Variants in SYTL5 observed in about 807,000 individuals in gnomAD.
SYTL5 encodes the protein synaptotagmin like 5.
A neutral mutation model predicts 55.9 loss-of-function variants in SYTL5; 34 were observed. The observed-to-expected ratio is 0.61, with a 90% CI of 0.46 to 0.81. The LOEUF is 0.81. Among genes scored for constraint, SYTL5 ranks in the 30% least tolerant of loss-of-function variants. SYTL5 has a pLI of 0.00. For synonymous variants in SYTL5, 221 were observed against 188.7 expected, an observed-to-expected ratio of 1.17 and a Z score of -1.40; for missense variants, 637 against 546.7, an observed-to-expected ratio of 1.17 and a Z score of -1.65.
the SYTL5 span, among the ~76,000 whole-genome samples, chrX:37,907,997 G>A: frequency 9.1e-6 from 1 of 110,207 alleles, no homozygotes; most frequent in Non-Finnish European, 1.9e-5. Flanking sequence ...TGTGCCTGTG[G>A]TCCCAGCTAC....
intron 6 of SYTL5, among the ~76,000 whole-genome samples, chrX:38,083,773 C>CGTGTGTGTGTGTGT (rs1569180907): frequency 2.7e-4 from 11 of 40,201 alleles, no homozygotes; most frequent in Admixed American, 2.3e-3. Flanking sequence ...TAAATAGACT[C>CGTGTGTGTGTGTGT]ATGTGTGTGT....
rs540951571 is a variant in SYTL5, at chrX:38,083,896, G to C, written c.690-5550G>C. On this transcript the variant is annotated intron_variant, in intron 6 of 16. Transcript: ENST00000297875. ...CTGCCTCCCAACTTCCATAGTCCTTGTTATACTGTTGGGTCACTTTAGGCC... is the reference window on the plus strand; with the variant it reads ...CTGCCTCCCAACTTCCATAGTCCTTCTTATACTGTTGGGTCACTTTAGGCC... 2.6e-3 allele frequency among the ~76,000 whole-genome samples: 280 copies of C among 107,073 alleles called. 3 individuals carry two copies. The highest frequency in any genetic ancestry group is 4.5e-3 in the Non-Finnish European group (234 of 52,173). 93.0% of individuals were successfully genotyped at this position (107,073 alleles called of 115,157 possible).
At chrX:38,036,635 T>A (rs971748242) in intron 2 of SYTL5, among the ~76,000 whole-genome samples, 1 of 112,294 alleles carries the variant, frequency 8.9e-6, no homozygotes, top group Non-Finnish European at 1.9e-5. Context: ...GTAATATGAC[T>A]CAGGCTTCAC....
intron 1 of SYTL5, among the ~76,000 whole-genome samples, chrX:38,027,177 C>T (rs1180307835): frequency 9.0e-6 from 1 of 111,682 alleles, no homozygotes; most frequent in Non-Finnish European, 1.9e-5. Flanking sequence ...AGTAAGTGTT[C>T]AATTTAAGAA....
intron 2 of SYTL5, 29 bp downstream of exon 2, chrX:38,034,037 C>A: frequency 2.2e-6 from 2 of 898,895 alleles, no homozygotes; most frequent in African/African-American, 2.0e-5. Context: ...TTTCAGTCCT[C>A]CTTGACTGCT....
At chrX:38,019,887 G>T (rs546110157) in intron 1 of SYTL5, among the ~76,000 whole-genome samples, 1 of 111,116 alleles carries the variant, frequency 9.0e-6, no homozygotes, top group African/African-American at 3.3e-5. Context: ...CGCCCGCTTC[G>T]GCCTCCCAAA....
At chrX:38,077,937 G>A (rs1160329173) in intron 6 of SYTL5, among the ~76,000 whole-genome samples, 2 of 111,917 alleles carry the variant, frequency 1.8e-5, no homozygotes, top group African/African-American at 3.2e-5. Context: ...GAAGGCTAAG[G>A]CAGGAAGATT....
At chrX:38,101,265 G>A (rs1453525577) in intron 9 of SYTL5, among the ~76,000 whole-genome samples, 2 of 110,956 alleles carry the variant, frequency 1.8e-5, no homozygotes, top group Non-Finnish European at 3.8e-5. Flanking sequence ...ATATGGACAG[G>A]ATACACAGGG....
the SYTL5 span, among the ~76,000 whole-genome samples, chrX:37,901,796 G>A: frequency 9.0e-6 from 1 of 111,500 alleles, no homozygotes; most frequent in Non-Finnish European, 1.9e-5. Flanking sequence ...TGAGGATGTT[G>A]AGCAGGTTGC....
At chrX:38,047,663 C>T (rs1376131934) in intron 2 of SYTL5, among the ~76,000 whole-genome samples, 1 of 112,688 alleles carries the variant, frequency 8.9e-6, no homozygotes, top group Non-Finnish European at 1.9e-5. Flanking sequence ...TTTATGCAGC[C>T]GGCATGAATT....
chrX:38,074,914 A>ACACACACACACACACACATG (rs1936350700), intron 5 of SYTL5, among the ~76,000 whole-genome samples: 2 of 108,969 alleles, frequency 1.8e-5, no homozygotes, highest in Admixed American at 1.9e-4. Context: ...CAACACACAC[A>ACACACACACACACACACATG]CACACACACA....
At chrX:37,973,808 T>TA in the SYTL5 span, among the ~76,000 whole-genome samples, 1 of 109,908 alleles carries the variant, frequency 9.1e-6, no homozygotes, top group South Asian at 4.0e-4. Flanking sequence ...CTATTTTTTT[T>TA]TAAAAAATAT....
intron 13 of SYTL5, among the ~76,000 whole-genome samples, chrX:38,111,226 C>T (rs1470727532): frequency 8.9e-6 from 1 of 111,959 alleles, no homozygotes; most frequent in East Asian, 2.8e-4. Flanking sequence ...ATCAAACTTA[C>T]TTGGTTCTAT....
At chrX:38,010,224 G>A (rs947643751) in intron 1 of SYTL5, among the ~76,000 whole-genome samples, 1 of 112,260 alleles carries the variant, frequency 8.9e-6, no homozygotes, top group Non-Finnish European at 1.9e-5. Flanking sequence ...ATAGTGCCTA[G>A]CTCATAGTAA....
the SYTL5 span, among the ~76,000 whole-genome samples, chrX:37,954,263 AC>A: frequency 1.8e-5 from 2 of 111,700 alleles, no homozygotes; most frequent in East Asian, 5.6e-4. Flanking sequence ...GGCTTCAGGA[AC>A]TGACTGAAGG....
At chrX:37,937,047 CAAAA>C in the SYTL5 span, among the ~76,000 whole-genome samples, 7 of 77,891 alleles carry the variant, frequency 9.0e-5, no homozygotes, top group Admixed American at 4.4e-4. Flanking sequence ...AAGACTGTCT[CAAAA>C]AAAAAAAAAA....
intron 6 of SYTL5, among the ~76,000 whole-genome samples, chrX:38,083,774 A>ATGTGTGTGTGTGTGTGTGTG (rs3068306): frequency 9.5e-5 from 9 of 94,327 alleles, no homozygotes; most frequent in African/African-American, 3.3e-4. Flanking sequence ...AAATAGACTC[A>ATGTGTGTGTGTGTGTGTGTG]TGTGTGTGTG....
intron 10 of SYTL5, among the ~76,000 whole-genome samples, chrX:38,105,176 C>T (rs914353297): frequency 8.9e-6 from 1 of 112,573 alleles, no homozygotes; most frequent in Admixed American, 9.3e-5. Flanking sequence ...CAAAGGGAGG[C>T]TTCACATCCA....
chrX:38,065,024 A>G (rs1301215040), intron 3 of SYTL5, among the ~76,000 whole-genome samples: 3 of 111,023 alleles, frequency 2.7e-5, no homozygotes, highest in African/African-American at 9.8e-5. Context: ...TTCTCATCCC[A>G]TGTTATCCTT....
Sources: allele counts gnomAD v4.1 joint callset (sites outside exome capture counted in the v4.1 genomes callset), GRCh38; gene constraint gnomAD v4.1.1; transcripts MANE v1.5; gene names NCBI Gene and HGNC (gene_info 2026-07-23, HGNC 2026-07-21).